The following CDH13 variants were observed in gnomAD, a reference collection of about 807,000 sequenced individuals.
CDH13 encodes cadherin-13.
In CDH13, 24 loss-of-function variants were observed where a neutral mutation model predicts 63.8. That is an observed-to-expected ratio of 0.38 (90% CI 0.27 to 0.53). CDH13 has a LOEUF of 0.53. Among genes scored for constraint, CDH13 ranks in the 20% least tolerant of loss-of-function variants. The probability of loss-of-function intolerance (pLI) is 0.85; values close to 1 mark genes in which losing one functional copy is unlikely to be tolerated. For synonymous variants in CDH13, 503 were observed against 355.3 expected, an observed-to-expected ratio of 1.42 and a Z score of -4.67; for missense variants, 1,049 against 903.1, an observed-to-expected ratio of 1.16 and a Z score of -2.07.
At chr16:83,347,131 C>T (rs957703070) in intron 6 of CDH13, among the ~76,000 whole-genome samples, 7 of 152,142 alleles carry the variant, frequency 4.6e-5, no homozygotes, top group Admixed American at 3.3e-4. Context: ...AGATGGCCCC[C>T]GAAGCATTCA....
chr16:82,971,836 G>T (rs1442432068), intron 2 of CDH13, among the ~76,000 whole-genome samples: 1 of 152,144 alleles, frequency 6.6e-6, no homozygotes, highest in Non-Finnish European at 1.5e-5. Context: ...TATTTGAGGG[G>T]GGAAGTATCT....
chr16:83,741,587 C>T (rs1185807287), intron 10 of CDH13, among the ~76,000 whole-genome samples: 2 of 151,950 alleles, frequency 1.3e-5, no homozygotes, highest in African/African-American at 4.8e-5. Flanking sequence ...TATCTATAAT[C>T]TCCCTATATA....
chr16:82,679,964 G>A (rs761274951), intron 1 of CDH13, among the ~76,000 whole-genome samples: 20 of 152,144 alleles, frequency 1.3e-4, no homozygotes, highest in African/African-American at 2.9e-4. Flanking sequence ...TCTTCTTGAC[G>A]GTGGTGAAGA....
chr16:83,324,709 C>T (rs898379328), intron 5 of CDH13, among the ~76,000 whole-genome samples: 5 of 152,180 alleles, frequency 3.3e-5, no homozygotes, highest in African/African-American at 1.2e-4. Context: ...CTTTAAAATG[C>T]GTAAGTGTTT....
At chr16:82,831,308 G>A (rs895237323) in intron 1 of CDH13, among the ~76,000 whole-genome samples, 16 of 152,184 alleles carry the variant, frequency 1.1e-4, no homozygotes, top group African/African-American at 3.9e-4. Context: ...TAGCTAGGTC[G>A]GTATCAAGTT....
At chr16:83,042,722 T>A (rs1012506019) in intron 3 of CDH13, among the ~76,000 whole-genome samples, 6 of 152,336 alleles carry the variant, frequency 3.9e-5, no homozygotes, top group African/African-American at 1.4e-4. Flanking sequence ...AACAAGCTCG[T>A]GGTAAATTAA....
At chr16:82,901,927 C>G (rs74612817) in intron 2 of CDH13, among the ~76,000 whole-genome samples, 12,913 of 152,282 alleles carry the variant, frequency 0.085, 764 homozygotes, top group Non-Finnish European at 0.13. Context: ...CAATGCCTAA[C>G]CATCCCAGAA....
intron 2 of CDH13, among the ~76,000 whole-genome samples, chr16:82,955,925 C>G (rs536040320): frequency 6.6e-6 from 1 of 152,316 alleles, no homozygotes; most frequent in African/African-American, 2.4e-5. Flanking sequence ...TCAAATACTA[C>G]TATGAAATAT....
chr16:82,985,256 T>C (rs1197299422), intron 2 of CDH13, among the ~76,000 whole-genome samples: 1 of 152,172 alleles, frequency 6.6e-6, no homozygotes, highest in African/African-American at 2.4e-5. Context: ...GAACTTCTTT[T>C]GAATCTAAAG....
intron 3 of CDH13, among the ~76,000 whole-genome samples, chr16:83,086,710 A>G (rs2033618765): frequency 6.6e-6 from 1 of 152,250 alleles, no homozygotes; most frequent in Non-Finnish European, 1.5e-5. Flanking sequence ...AGTGCACACC[A>G]CCAGTCTCAA....
At chr16:83,206,882 T>C (rs2039198604) in intron 4 of CDH13, among the ~76,000 whole-genome samples, 1 of 123,106 alleles carries the variant, frequency 8.1e-6, no homozygotes, top group Non-Finnish European at 1.7e-5. Context: ...AAAAGGGCCT[T>C]GACCTTCTCT....
intron 5 of CDH13, among the ~76,000 whole-genome samples, chr16:83,336,326 G>A (rs1311088167): frequency 1.4e-5 from 2 of 138,144 alleles, no homozygotes; most frequent in South Asian, 2.3e-4. Context: ...AAAGAAATTT[G>A]GAATGAAAGC....
intron 2 of CDH13, among the ~76,000 whole-genome samples, chr16:82,935,586 A>T (rs539556087): frequency 1.3e-5 from 2 of 152,312 alleles, no homozygotes; most frequent in African/African-American, 4.8e-5. Flanking sequence ...CAGAAAACTG[A>T]TTCTTAAGCA....
intron 9 of CDH13, among the ~76,000 whole-genome samples, chr16:83,673,249 C>T (rs533687225): frequency 3.9e-5 from 6 of 152,156 alleles, no homozygotes; most frequent in East Asian, 1.9e-4. Context: ...CTTAATATTA[C>T]GTAGTACATA....
intron 3 of CDH13, among the ~76,000 whole-genome samples, chr16:83,043,704 CA>C (rs1453277518): frequency 5.3e-5 from 8 of 151,728 alleles, no homozygotes; most frequent in Non-Finnish European, 2.9e-5. Context: ...ACTAAAAATA[CA>C]AAAATTAGCT....
intron 13 of CDH13, among the ~76,000 whole-genome samples, chr16:83,789,505 C>G (rs1916117002): frequency 6.6e-6 from 1 of 152,046 alleles, no homozygotes. Context: ...TGCCACCACG[C>G]CCAGCTAATT....
intron 2 of CDH13, among the ~76,000 whole-genome samples, chr16:83,002,667 C>T (rs915109643): frequency 7.9e-5 from 12 of 152,018 alleles, no homozygotes; most frequent in South Asian, 2.1e-4. Flanking sequence ...GCAGAATAAG[C>T]GGGGAAGAGG....
chr16:83,294,025 G>T (rs1430419819), intron 5 of CDH13, among the ~76,000 whole-genome samples: 1 of 152,142 alleles, frequency 6.6e-6, no homozygotes, highest in Non-Finnish European at 1.5e-5. Flanking sequence ...GTGTAGCTAG[G>T]ACATAGCATC....
At chr16:83,478,836 GAAAAAA>G (rs374669824) in intron 6 of CDH13, among the ~76,000 whole-genome samples, 2,651 of 112,290 alleles carry the variant, frequency 0.024, 30 homozygotes, top group Middle Eastern at 0.033. Flanking sequence ...TTGAAGATGA[GAAAAAA>G]AAAAAAAAAA....
Sources: gnomAD v4.1 joint callset for allele counts (sites outside exome capture counted in the v4.1 genomes callset) on GRCh38, gnomAD v4.1.1 for gene constraint, MANE v1.5 for transcripts, NCBI Gene and HGNC (gene_info 2026-07-23, HGNC 2026-07-21) for gene names.